Variants in TULP4 observed in about 807,000 individuals in gnomAD.
The protein encoded by TULP4 is TUB like protein 4.
TULP4 carries 16 observed loss-of-function variants against 129.0 expected under a neutral mutation model. The observed-to-expected ratio is 0.12, with a 90% confidence interval of 0.08 to 0.19. The LOEUF (loss-of-function observed/expected upper bound fraction) is 0.19, where lower values mean the gene tolerates loss of function less well. Among genes scored for constraint, TULP4 ranks in the 10% least tolerant of loss-of-function variants. The pLI is 1.00. For synonymous variants in TULP4, 998 were observed against 854.0 expected (o/e 1.17, Z -2.94); for missense variants, 1,842 against 2,059.1 (o/e 0.89, Z 2.04).
chr6:158,465,460 G>C (rs1249978158), intron 6 of TULP4, among the ~76,000 whole-genome samples: 1 of 152,146 alleles, frequency 6.6e-6, no homozygotes, highest in Non-Finnish European at 1.5e-5. Context: ...GTGAACATGG[G>C]TGTACAGATC....
intron 13 of TULP4, among the ~76,000 whole-genome samples, chr6:158,505,957 T>TCAC (rs1780590604): frequency 6.6e-6 from 1 of 151,848 alleles, no homozygotes; most frequent in South Asian, 2.1e-4. Context: ...AGTATGCCCA[T>TCAC]CACCCAAACA....
intron 1 of TULP4, among the ~76,000 whole-genome samples, chr6:158,343,307 T>C (rs1288685237): frequency 6.6e-6 from 1 of 152,158 alleles, no homozygotes; most frequent in Admixed American, 6.6e-5. Context: ...TCAAACTTGG[T>C]TAGTTAACTC....
At chr6:158,484,219 C>T (rs1336695621) in intron 8 of TULP4, among the ~76,000 whole-genome samples, 3 of 151,666 alleles carry the variant, frequency 2.0e-5, no homozygotes, top group South Asian at 2.1e-4. Flanking sequence ...GCCACCATGC[C>T]CAGCTGCTTC....
At chr6:158,396,256 C>T (rs1279988188) in intron 1 of TULP4, among the ~76,000 whole-genome samples, 1 of 151,016 alleles carries the variant, frequency 6.6e-6, no homozygotes, top group Admixed American at 6.6e-5. Flanking sequence ...ATGTCGAGGG[C>T]AGAACCCAGG....
intron 1 of TULP4, among the ~76,000 whole-genome samples, chr6:158,344,712 A>G (rs1358592471): frequency 6.6e-6 from 1 of 152,182 alleles, no homozygotes; most frequent in African/African-American, 2.4e-5. Flanking sequence ...TGAGATGACA[A>G]TATTGAAATT....
chr6:158,323,883 A>G (rs998160081), intron 1 of TULP4, among the ~76,000 whole-genome samples: 2 of 152,232 alleles, frequency 1.3e-5, no homozygotes, highest in Non-Finnish European at 2.9e-5. Flanking sequence ...AGTATGTAGT[A>G]TATACGTAGG....
chr6:158,348,792 A>G (rs1443589112), intron 1 of TULP4, among the ~76,000 whole-genome samples: 2 of 113,078 alleles, frequency 1.8e-5, no homozygotes, highest in Non-Finnish European at 3.9e-5. Context: ...CACTTCCTAT[A>G]CGGGGCGGCC....
intron 11 of TULP4, among the ~76,000 whole-genome samples, chr6:158,496,252 T>G (rs1780336114): frequency 6.6e-6 from 1 of 152,266 alleles, no homozygotes; most frequent in South Asian, 2.1e-4. Flanking sequence ...ATTTTGAGCG[T>G]GCTGTGCGTA....
intron 1 of TULP4, among the ~76,000 whole-genome samples, chr6:158,412,612 A>G (rs1208002463): frequency 6.6e-6 from 1 of 152,216 alleles, no homozygotes; most frequent in East Asian, 1.9e-4. Context: ...CTATTCAGAA[A>G]TAAGTTAGAT....
chr6:158,334,251 A>G (rs961018519), intron 1 of TULP4, among the ~76,000 whole-genome samples: 2 of 152,170 alleles, frequency 1.3e-5, no homozygotes, highest in African/African-American at 4.8e-5. Flanking sequence ...TTACAAGAAA[A>G]AGTTGAATTA....
chr6:158,430,580 TAAAAA>T (rs1035411782), intron 3 of TULP4, among the ~76,000 whole-genome samples: 1 of 148,650 alleles, frequency 6.7e-6, no homozygotes, highest in African/African-American at 2.5e-5. Flanking sequence ...CTGTCTCTAC[TAAAAA>T]AAAAATACAA....
chr6:158,389,913 C>T (rs536442664), intron 1 of TULP4, among the ~76,000 whole-genome samples: 1 of 152,172 alleles, frequency 6.6e-6, no homozygotes, highest in East Asian at 1.9e-4. Flanking sequence ...GAGTTCAAGA[C>T]CAGCCTGGCT....
At chr6:158,334,558 A>T (rs986522942) in intron 1 of TULP4, among the ~76,000 whole-genome samples, 1 of 151,740 alleles carries the variant, frequency 6.6e-6, no homozygotes, top group Non-Finnish European at 1.5e-5. Flanking sequence ...GGTAAAAGTT[A>T]TATGCAGATC....
At chr6:158,365,803 T>C (rs1294039300) in intron 1 of TULP4, among the ~76,000 whole-genome samples, 1 of 151,598 alleles carries the variant, frequency 6.6e-6, no homozygotes, top group African/African-American at 2.4e-5. Flanking sequence ...TTAAAGTTGT[T>C]TTCAATTTGC....
chr6:158,265,652 A>T (rs1430148063), intron 1 of TULP4, among the ~76,000 whole-genome samples: 2 of 151,970 alleles, frequency 1.3e-5, no homozygotes, highest in Non-Finnish European at 2.9e-5. Context: ...ACTGCACTCC[A>T]GCCTGGTGAC....
At chr6:158,346,566 G>A (rs1780317915) in intron 1 of TULP4, among the ~76,000 whole-genome samples, 1 of 152,152 alleles carries the variant, frequency 6.6e-6, no homozygotes, top group African/African-American at 2.4e-5. Flanking sequence ...AAGTTATGCT[G>A]ATATATGGAT....
Position 158,501,745 on chromosome 6 carries a change from C to T in TULP4, c.2082C>T (p.Ile694=). 2.5e-6 allele frequency: 4 copies of T among 1,614,178 alleles called. No individual in the cohort carries two copies. Among genetic ancestry groups the T allele is most frequent in the South Asian group, 2.2e-5 (2 of 91,084 alleles). The change falls in exon 13 of 14, where the codon ATC becomes ATT. Residue 694 remains isoleucine (I), a synonymous_variant. Coordinates refer to ENST00000367097, the MANE Select transcript of TULP4 (RefSeq NM_020245.5). The stretch of plus-strand genomic sequence containing the variant: ...CCGTGAACATCCCTATTGCACCGAT[C>T]CACAGCTCGGCTCAGGCTATGTCCC... ...PCTVNIPIAP[I]HSSAQAMSPT...
chr6:158,362,163 A>G (rs1427930013), intron 1 of TULP4, among the ~76,000 whole-genome samples: 1 of 152,150 alleles, frequency 6.6e-6, no homozygotes. Flanking sequence ...AGGGATATGA[A>G]CCCACACTCT....
chr6:158,303,587 C>G (rs1435014198), intron 1 of TULP4, among the ~76,000 whole-genome samples: 1 of 152,098 alleles, frequency 6.6e-6, no homozygotes, highest in Non-Finnish European at 1.5e-5. Context: ...AGGCAAAGGG[C>G]AAAAGCAGAA....
Sources: allele counts gnomAD v4.1 joint callset (sites outside exome capture counted in the v4.1 genomes callset), GRCh38; gene constraint gnomAD v4.1.1; transcripts MANE v1.5; gene names NCBI Gene and HGNC (gene_info 2026-07-23, HGNC 2026-07-21).